ELK4: variants seen among roughly 807,000 people sequenced by gnomAD.
ELK4 encodes ETS transcription factor ELK4, also known as ETS domain-containing protein Elk-4.
ELK4 carries 16 observed loss-of-function variants against 29.6 expected under a neutral mutation model. The observed-to-expected ratio is 0.54, with a 90% CI of 0.37 to 0.82. The LOEUF (loss-of-function observed/expected upper bound fraction) is 0.82. ELK4 is among the 40% of genes least tolerant of loss of function. The pLI, the probability that ELK4 is intolerant of heterozygous loss-of-function variation, is 0.00. For missense variants in ELK4, 465 were observed against 507.1 expected, an observed-to-expected ratio of 0.92 and a Z score of 0.80; for synonymous variants, 213 against 191.1, an observed-to-expected ratio of 1.11 and a Z score of -0.95.
rs1670233198 is a variant in ELK4, at chr1:205,616,469, A to G, written c.*77T>C. 3 of 1,307,134 alleles carry G rather than the reference A, an allele frequency of 2.3e-6. No homozygotes were observed. The highest frequency in any genetic ancestry group is 1.5e-5 in the African/African-American group (1 of 68,798). The allele number at this position is 1,307,134 out of a possible 1,614,324, so 81.0% of individuals were successfully genotyped here. On this transcript the variant is annotated 3_prime_UTR_variant, in exon 5 of 5. Transcript: ENST00000357992. ...TATTATCAGCATTGTAGAACTATCA[A>G]TTGCTCACTTCAAATGCAATCATGT...
intron 1 of ELK4, among the ~76,000 whole-genome samples, chr1:205,629,880 C>A (rs1187217982): frequency 3.3e-5 from 5 of 152,006 alleles, no homozygotes; most frequent in African/African-American, 9.7e-5. Flanking sequence ...TGTTGAAACC[C>A]TGTCTTTACC....
chr1:205,628,693 T>C (rs1204606375), intron 1 of ELK4, among the ~76,000 whole-genome samples: 1 of 152,214 alleles, frequency 6.6e-6, no homozygotes, highest in Non-Finnish European at 1.5e-5. Context: ...ATAACAGGTG[T>C]TCCCCAGATG....
chr1:205,612,486 T>C lies in ELK4; in HGVS notation c.*4060A>G, dbSNP rs559633940. On this transcript the variant is annotated 3_prime_UTR_variant, in exon 5 of 5. Transcript: ENST00000357992. ...GTATAGCGGTATATAATTTAACATA[T>C]ACCCATATGAATTTTTAATAGGGAA... The C allele has an allele frequency of 1.5e-4, 33 of 213,722 alleles. No homozygotes were observed. The highest frequency in any genetic ancestry group is 7.2e-4 in the African/African-American group (32 of 44,366). 13.2% of individuals were successfully genotyped at this position (213,722 alleles called of 1,614,324 possible). A position where few individuals can be genotyped will look rare whatever the true frequency, so the allele number is the denominator to read the frequency against.
At chr1:205,618,567 TA>T (rs1466586764) in intron 4 of ELK4, among the ~76,000 whole-genome samples, 1 of 152,224 alleles carries the variant, frequency 6.6e-6, no homozygotes, top group African/African-American at 2.4e-5. Flanking sequence ...CTCATGCCTG[TA>T]ATCCCAACAC....
chr1:205,616,463 C>G lies in ELK4; in HGVS notation c.*83G>C. ...ATAGTCTATTATCAGCATTGTAGAA[C>G]TATCAATTGCTCACTTCAAATGCAA... On this transcript the variant is annotated 3_prime_UTR_variant, in exon 5 of 5. Transcript: ENST00000357992. The G allele has an allele frequency of 8.1e-7, 1 of 1,230,210 alleles. No homozygotes were observed. Among genetic ancestry groups the G allele is most frequent in the Non-Finnish European group, 1.2e-6 (1 of 844,544 alleles). The allele number at this position is 1,230,210 out of a possible 1,614,324, so 76.2% of individuals were successfully genotyped here.
rs1670107216 is a variant in ELK4, at chr1:205,608,629, TA to T, written c.*7916del. On this transcript the variant is annotated 3_prime_UTR_variant, in exon 5 of 5. Transcript: ENST00000357992. ...CTTTTTAGGTCTCCCTAATGTAAAT[TA>T]TGCTGAAATCAACTAAGACGAGCTA... The T allele has an allele frequency of 5.1e-6, 1 of 197,672 alleles. No homozygotes were observed. The highest frequency in any genetic ancestry group is 1.9e-4 in the South Asian group (1 of 5,236). 12.2% of individuals were successfully genotyped at this position (197,672 alleles called of 1,614,324 possible).
intron 4 of ELK4, 92 bp downstream of exon 4, chr1:205,618,865 A>T: frequency 1.1e-6 from 1 of 923,548 alleles, no homozygotes; most frequent in Non-Finnish European, 1.7e-6. Flanking sequence ...GAAGTTTTAT[A>T]ATGATTAAAC....
Position 205,620,569 on chromosome 1 carries a change from A to G in ELK4, c.477T>C (p.Asn159=). Residue 159 remains asparagine, a synonymous_variant, in exon 3 of 5, where the codon AAT becomes AAC. Transcript: ENST00000357992. ...SFTLNSLNSS[N]VKLFKLIKTE... is the part of the protein sequence containing the mutation. ...TCTTTATCAATTTGAAAAGCTTTACATTGGAGGAGTTCAAAGAGTTGAGAG... is the reference window on the plus strand; with the variant it reads ...TCTTTATCAATTTGAAAAGCTTTACGTTGGAGGAGTTCAAAGAGTTGAGAG... The G allele has an allele frequency of 6.2e-7, 1 of 1,614,172 alleles. No homozygotes were observed. The highest frequency in any genetic ancestry group is 1.1e-5 in the South Asian group (1 of 91,082).
At position 205,619,080 on chromosome 1, in the gene ELK4, T is replaced by C. The variant is rs74144433; in HGVS notation, c.1081-7A>G. Reference sequence around the variant, plus strand: ...GAGTCAGTATGATGGGTGTCTGCAATACACAAAGCAAAAATATTCACTGAC... The same window carrying C: ...GAGTCAGTATGATGGGTGTCTGCAACACACAAAGCAAAAATATTCACTGAC... On this transcript the variant is annotated splice_polypyrimidine_tract_variant and splice_region_variant and intron_variant, in intron 3 of 4. Transcript: ENST00000357992. The C allele has an allele frequency of 1.9e-3, 2,928 of 1,529,708 alleles. 43 individuals are homozygous for C. The African/African-American group carries it at 0.032, about 17-fold the overall frequency. The allele number at this position is 1,529,708 out of a possible 1,614,324, so 94.8% of individuals were successfully genotyped here.
Position 205,612,285 on chromosome 1 carries a change from A to G in ELK4, c.*4261T>C, listed in dbSNP as rs940655426. 8.7e-5 allele frequency: 18 copies of G among 207,326 alleles called. No homozygotes were observed. Among genetic ancestry groups the G allele is most frequent in the African/African-American group, 3.9e-4 (17 of 43,864 alleles). The allele number at this position is 207,326 out of a possible 1,614,324, so 12.8% of individuals were successfully genotyped here. On this transcript the variant is annotated 3_prime_UTR_variant, in exon 5 of 5. Coordinates refer to ENST00000357992, the MANE Select transcript of ELK4 (RefSeq NM_001973.4). ...AGCATCATATATGTTTGGAGATTAG[A>G]ATGAGAATATCCTGAGTCAGCAGTC... is the stretch of plus-strand genomic sequence containing the variant.
At chr1:205,624,820 C>A (rs947441088) in intron 1 of ELK4, among the ~76,000 whole-genome samples, 1 of 152,192 alleles carries the variant, frequency 6.6e-6, no homozygotes, top group South Asian at 2.1e-4. Context: ...TCTCCAGACA[C>A]TGCCAAATAT....
chr1:205,614,022 T>G lies in ELK4; in HGVS notation c.*2524A>C, dbSNP rs181514872. 4.5e-6 allele frequency: 1 copy of G among 224,658 alleles called. No homozygotes were observed. The highest frequency in any genetic ancestry group is 2.2e-5 in the African/African-American group (1 of 44,988). 13.9% of individuals were successfully genotyped at this position (224,658 alleles called of 1,614,324 possible). On this transcript the variant is annotated 3_prime_UTR_variant, in exon 5 of 5. Transcript: ENST00000357992. ...AACAGAACTGTCTGCCTCATACACCTGCAGTAAGGTTGTAAACTTTGACTT... is the reference window on the plus strand; with the variant it reads ...AACAGAACTGTCTGCCTCATACACCGGCAGTAAGGTTGTAAACTTTGACTT...
At chr1:205,617,746 A>C (rs1459350477) in intron 4 of ELK4, among the ~76,000 whole-genome samples, 1 of 152,094 alleles carries the variant, frequency 6.6e-6, no homozygotes, top group Non-Finnish European at 1.5e-5. Flanking sequence ...TACTAAAAAT[A>C]CAAAATTAGC....
rs1575117887 is a variant in ELK4, at chr1:205,609,188, A to G, written c.*7358T>C. On this transcript the variant is annotated 3_prime_UTR_variant, in exon 5 of 5. Transcript: ENST00000357992. ...CTTTAAAGAAGATCGAGTAGGGCTC[A>G]TGAAAAATTATTGGTTTGTTCTTCA... 3.2e-5 allele frequency: 6 copies of G among 187,804 alleles called. No individual in the cohort carries two copies. The East Asian group carries it at 5.1e-4, about 16-fold the overall frequency. The allele number at this position is 187,804 out of a possible 1,614,324, so 11.6% of individuals were successfully genotyped here.
At chr1:205,619,661 ACGAGTTTT>A (rs1670295318) in intron 3 of ELK4, 1 of 1,374,998 alleles carries the variant, frequency 7.3e-7, no homozygotes, top group African/African-American at 1.5e-5. Flanking sequence ...TAAGACACCA[ACGAGTTTT>A]ATAAGACCGA....
At chr1:205,627,135 G>A (rs145756792) in intron 1 of ELK4, among the ~76,000 whole-genome samples, 2 of 152,256 alleles carry the variant, frequency 1.3e-5, no homozygotes, top group African/African-American at 4.8e-5. Flanking sequence ...AATTATTTAG[G>A]ACTGGGGGCT....
At position 205,620,070 on chromosome 1, in the gene ELK4, C is replaced by T; in HGVS notation, c.976G>A (p.Glu326Lys). Residue 326 changes from glutamate to lysine, a missense_variant, in exon 3 of 5, where the codon GAA (glutamate) becomes AAA (lysine). Around this residue, in one of 2 missense-constraint regions of ELK4, gnomAD observed 385 missense variants for 387.5 expected, o/e 0.99. Transcript: ENST00000357992. The part of the protein sequence containing the change: ...SSRSKKPKGL[E>K]LAPTLVITSS... ...GTGATCACAAGGGTGGGTGCCAGTTCTAACCCTTTGGGTTTCTTGGATCTT... is the reference window on the plus strand; with the variant it reads ...GTGATCACAAGGGTGGGTGCCAGTTTTAACCCTTTGGGTTTCTTGGATCTT... 1 of 1,614,230 alleles carries T rather than the reference C, an allele frequency of 6.2e-7. No homozygotes were observed.
At chr1:205,629,088 G>A (rs1670521604) in intron 1 of ELK4, among the ~76,000 whole-genome samples, 2 of 148,736 alleles carry the variant, frequency 1.3e-5, no homozygotes, top group African/African-American at 5.0e-5. Context: ...GCAGAATGGC[G>A]TGAACCCGAG....
intron 4 of ELK4, among the ~76,000 whole-genome samples, chr1:205,618,036 GTTTT>G (rs761856280): frequency 1.4e-4 from 21 of 151,130 alleles, no homozygotes; most frequent in East Asian, 5.8e-4. Context: ...TGTGGATTTT[GTTTT>G]TTTGAGACAA....
Sources: gnomAD v4.1 joint callset for allele counts (sites outside exome capture counted in the v4.1 genomes callset) on GRCh38, gnomAD v4.1.1 for gene constraint, gnomAD v4.1.1 regional missense constraint, MANE v1.5 for transcripts, NCBI Gene and HGNC (gene_info 2026-07-23, HGNC 2026-07-21) for gene names.